Variants in GALNT17 observed in about 807,000 individuals in gnomAD.
GALNT17 encodes the protein UDP-GalNAc:polypeptide N-acetylgalactosaminyltransferase-like 3.
Under a neutral mutation model 63.7 loss-of-function variants are expected in GALNT17, and 29 were observed. The ratio of observed to expected loss-of-function variants is 0.46; its 90% confidence interval spans 0.34 to 0.62. GALNT17 has a LOEUF of 0.62. GALNT17 is among the 20% of genes least tolerant of loss of function. The probability of loss-of-function intolerance (pLI) is 0.01; values close to 1 mark genes in which losing one functional copy is unlikely to be tolerated. For synonymous variants in GALNT17, 305 were observed against 318.3 expected (o/e 0.96, Z 0.45); for missense variants, 603 against 799.6 (o/e 0.75, Z 2.97).
At chr7:71,526,704 G>A (rs1788630619) in intron 5 of GALNT17, among the ~76,000 whole-genome samples, 1 of 151,766 alleles carries the variant, frequency 6.6e-6, no homozygotes. Context: ...ATTTTTAGTA[G>A]AGACAGGGTT....
chr7:71,337,932 A>G (rs1276157859), intron 2 of GALNT17, among the ~76,000 whole-genome samples: 1 of 152,088 alleles, frequency 6.6e-6, no homozygotes, highest in African/African-American at 2.4e-5. Flanking sequence ...ATGGTGGCTC[A>G]CATCTATAAT....
At chr7:71,502,361 G>C (rs1193576931) in intron 5 of GALNT17, among the ~76,000 whole-genome samples, 1 of 152,158 alleles carries the variant, frequency 6.6e-6, no homozygotes, top group Non-Finnish European at 1.5e-5. Flanking sequence ...GAGAATCTTT[G>C]TTATCTCAGC....
Position 71,380,363 on chromosome 7 carries a change from T to C in GALNT17, c.423-7872T>C, listed in dbSNP as rs527729567. On this transcript the variant is annotated intron_variant, in intron 2 of 10. Coordinates refer to ENST00000333538, the MANE Select transcript of GALNT17 (RefSeq NM_022479.3). ...TATTATTATTATTTTTGAAACAGAA[T>C]CTTGTTCTGTTGACCAGGCTGGAGT... Among the ~76,000 whole-genome samples, 9 of 152,288 alleles carry C rather than the reference T, an allele frequency of 5.9e-5. No individual in the cohort carries two copies. The South Asian group carries it at 1.9e-3, about 32-fold the overall frequency.
intron 6 of GALNT17, among the ~76,000 whole-genome samples, chr7:71,623,334 C>T (rs971348826): frequency 6.6e-6 from 1 of 150,708 alleles, no homozygotes; most frequent in East Asian, 2.0e-4. Flanking sequence ...ATGACTAAAA[C>T]AGTGCCTGGC....
At chr7:71,467,464 G>C (rs1468975716) in intron 5 of GALNT17, among the ~76,000 whole-genome samples, 1 of 152,140 alleles carries the variant, frequency 6.6e-6, no homozygotes, top group Non-Finnish European at 1.5e-5. Context: ...GCTACTTCAG[G>C]GGAGTGGGGC....
intron 5 of GALNT17, among the ~76,000 whole-genome samples, chr7:71,481,261 A>G (rs1441380100): frequency 6.6e-6 from 1 of 152,192 alleles, no homozygotes; most frequent in Non-Finnish European, 1.5e-5. Context: ...AGCCTGGCCA[A>G]CATGGTGAAA....
At chr7:71,544,966 A>G (rs1360453531) in intron 5 of GALNT17, among the ~76,000 whole-genome samples, 6 of 152,074 alleles carry the variant, frequency 3.9e-5, no homozygotes, top group Non-Finnish European at 8.8e-5. Flanking sequence ...TTTCTTTACA[A>G]ATTATTTGAA....
At chr7:71,395,236 C>T (rs1224957724) in intron 3 of GALNT17, among the ~76,000 whole-genome samples, 1 of 152,184 alleles carries the variant, frequency 6.6e-6, no homozygotes, top group Non-Finnish European at 1.5e-5. Context: ...GTAGCCTCTC[C>T]CAATTCTACC....
Position 71,271,057 on chromosome 7 carries a change from G to A in GALNT17, c.239-64493G>A, listed in dbSNP as rs977454100. 1.1e-4 allele frequency among the ~76,000 whole-genome samples: 16 copies of A among 152,242 alleles called. No homozygotes were observed. The East Asian group carries it at 2.9e-3, about 27-fold the overall frequency. On this transcript the variant is annotated intron_variant, in intron 1 of 10. Coordinates refer to ENST00000333538, the MANE Select transcript of GALNT17 (RefSeq NM_022479.3). ...ACACTTATATAATTGTTTCATACGG[G>A]ATAGTGTTAATAATACCAAATTTCA...
Position 71,415,893 on chromosome 7 carries a change from G to T in GALNT17, c.594G>T (p.Glu198Asp). The T allele has an allele frequency of 6.3e-7, 1 of 1,585,568 alleles. No individual in the cohort carries two copies. Among genetic ancestry groups the T allele is most frequent in the South Asian group, 1.2e-5 (1 of 85,506 alleles). Residue 198 changes from glutamate (E) to aspartate (D), a missense_variant, in exon 4 of 11, where the codon GAG becomes GAT. By Grantham distance (45) the Glu-to-Asp change is conservative. Transcript: ENST00000333538. ...TTGCATTTTTGTCATTTGCAGAGGA[G>T]CTGAAGGTCCCCCTAGAGGAGTATG... ...ILVDDNSDEE[E>D]LKVPLEEYVH...
At chr7:71,606,791 C>T (rs1790054580) in intron 6 of GALNT17, among the ~76,000 whole-genome samples, 1 of 152,162 alleles carries the variant, frequency 6.6e-6, no homozygotes, top group South Asian at 2.1e-4. Flanking sequence ...GTGGGAATCC[C>T]ATCTTGATTT....
intron 3 of GALNT17, among the ~76,000 whole-genome samples, chr7:71,405,469 A>T (rs1793312174): frequency 6.6e-6 from 1 of 152,196 alleles, no homozygotes; most frequent in Admixed American, 6.5e-5. Context: ...TCTACAAAAA[A>T]TAATAATAAT....
At chr7:71,648,611 A>G (rs1790714430) in intron 6 of GALNT17, among the ~76,000 whole-genome samples, 1 of 151,492 alleles carries the variant, frequency 6.6e-6, no homozygotes, top group Non-Finnish European at 1.5e-5. Flanking sequence ...TTATTTATTT[A>G]TTTTTCAGAG....
At chr7:71,550,383 T>G (rs1789055622) in intron 5 of GALNT17, among the ~76,000 whole-genome samples, 1 of 129,942 alleles carries the variant, frequency 7.7e-6, no homozygotes, top group East Asian at 3.4e-4. Context: ...TTTGTGTGTG[T>G]TTTTTTTGTT....
rs1790368935 is a variant in GALNT17, at chr7:71,260,637, C to G, written c.239-74913C>G. On this transcript the variant is annotated intron_variant, in intron 1 of 10. Transcript: ENST00000333538. Reference sequence around the variant, plus strand: ...TTTTTTTTTTTGAGACAGTCTTGCTCTGTCACCAAGCCTGGAGTGCAGTGG... The same window carrying G: ...TTTTTTTTTTTGAGACAGTCTTGCTGTGTCACCAAGCCTGGAGTGCAGTGG... 2.0e-5 allele frequency among the ~76,000 whole-genome samples: 3 copies of G among 149,022 alleles called. No homozygotes were observed. In the Admixed American group the frequency reaches 2.0e-4, roughly 10 times the overall value.
At chr7:71,647,117 T>C (rs1021259428) in intron 6 of GALNT17, among the ~76,000 whole-genome samples, 1 of 151,814 alleles carries the variant, frequency 6.6e-6, no homozygotes, top group Middle Eastern at 3.2e-3. Context: ...CAGGCTGGAG[T>C]GCAGTGGTGC....
intron 6 of GALNT17, among the ~76,000 whole-genome samples, chr7:71,617,706 G>A (rs1458192015): frequency 1.3e-5 from 2 of 150,230 alleles, no homozygotes; most frequent in African/African-American, 2.5e-5. Context: ...GCTGTGGCGC[G>A]ATCTCGGCTC....
intron 1 of GALNT17, among the ~76,000 whole-genome samples, chr7:71,203,340 G>A (rs1336729678): frequency 6.6e-6 from 1 of 152,128 alleles, no homozygotes; most frequent in Non-Finnish European, 1.5e-5. Flanking sequence ...CATTCTAATG[G>A]ATGTGAGGTA....
intron 5 of GALNT17, among the ~76,000 whole-genome samples, chr7:71,524,292 A>G (rs974637990): frequency 3.4e-5 from 5 of 147,554 alleles, no homozygotes; most frequent in Non-Finnish European, 5.9e-5. Flanking sequence ...ATATTAGTAT[A>G]TTGATATTAA....
Sources: gnomAD v4.1 joint callset for allele counts (sites outside exome capture counted in the v4.1 genomes callset) on GRCh38, gnomAD v4.1.1 for gene constraint, MANE v1.5 for transcripts, NCBI Gene and HGNC (gene_info 2026-07-23, HGNC 2026-07-21) for gene names.